SNTB1: variants seen among roughly 807,000 people sequenced by gnomAD.
The protein encoded by SNTB1 is syntrophin beta 1.
In SNTB1, 36 loss-of-function variants were observed where a neutral mutation model predicts 48.9. That is an observed-to-expected ratio of 0.74 (90% CI 0.56 to 0.97). The LOEUF (loss-of-function observed/expected upper bound fraction) is 0.97, where lower values mean the gene tolerates loss of function less well. Among genes scored for constraint, SNTB1 ranks in the 50% least tolerant of loss-of-function variants. The probability of loss-of-function intolerance (pLI) is 0.00; values close to 1 mark genes in which losing one functional copy is unlikely to be tolerated. For synonymous variants in SNTB1, 299 were observed against 294.6 expected (o/e 1.01, Z -0.15); for missense variants, 786 against 703.4 (o/e 1.12, Z -1.33).
chr8:120,666,530 A>G (rs1817675468), intron 2 of SNTB1, among the ~76,000 whole-genome samples: 1 of 152,092 alleles, frequency 6.6e-6, no homozygotes, highest in South Asian at 2.1e-4. Context: ...TTTCTTTTTA[A>G]TACTGGTGTT....
At chr8:120,724,759 C>T (rs1338624949) in intron 1 of SNTB1, among the ~76,000 whole-genome samples, 2 of 152,006 alleles carry the variant, frequency 1.3e-5, no homozygotes, top group Non-Finnish European at 2.9e-5. Context: ...AGAATTGCAC[C>T]GTTGAACTAG....
At chr8:120,602,411 A>C (rs1255065702) in intron 3 of SNTB1, among the ~76,000 whole-genome samples, 1 of 152,222 alleles carries the variant, frequency 6.6e-6, no homozygotes, top group Non-Finnish European at 1.5e-5. Context: ...CTTTGAGTAA[A>C]GCAGATGACC....
At chr8:120,603,573 T>C (rs942986552) in intron 3 of SNTB1, among the ~76,000 whole-genome samples, 2 of 152,188 alleles carry the variant, frequency 1.3e-5, no homozygotes, top group African/African-American at 4.8e-5. Flanking sequence ...TCAAACCTAC[T>C]GAATCAGAAA....
intron 2 of SNTB1, among the ~76,000 whole-genome samples, 173 bp from the exon 3 acceptor site, chr8:120,632,824 G>T (rs147034652): frequency 6.6e-6 from 1 of 152,138 alleles, no homozygotes; most frequent in Non-Finnish European, 1.5e-5. Flanking sequence ...ATTCATCCAC[G>T]CATATTTACT....
chr8:120,553,545 A>G (rs922795570), intron 4 of SNTB1, among the ~76,000 whole-genome samples: 3 of 152,354 alleles, frequency 2.0e-5, no homozygotes, highest in Admixed American at 1.3e-4. Context: ...CCTTGAAATT[A>G]TAAGTACTAT....
chr8:120,620,335 T>C (rs1267407993), intron 3 of SNTB1, among the ~76,000 whole-genome samples: 2 of 152,214 alleles, frequency 1.3e-5, no homozygotes, highest in Non-Finnish European at 2.9e-5. Flanking sequence ...TAGGTATTAA[T>C]ATCTTTTTTT....
intron 1 of SNTB1, among the ~76,000 whole-genome samples, chr8:120,756,473 T>C (rs73323167): frequency 0.039 from 5,999 of 152,114 alleles, 377 homozygotes; most frequent in African/African-American, 0.13. Context: ...AGAGTGGGCT[T>C]TGGGAGGGGG....
chr8:120,540,994 G>C (rs975947121), intron 6 of SNTB1, among the ~76,000 whole-genome samples: 5 of 152,186 alleles, frequency 3.3e-5, no homozygotes, highest in African/African-American at 1.2e-4. Flanking sequence ...ACAGAGATTA[G>C]TCATTACGAA....
intron 1 of SNTB1, among the ~76,000 whole-genome samples, chr8:120,773,405 G>A (rs1819675053): frequency 6.6e-6 from 1 of 152,188 alleles, no homozygotes; most frequent in Non-Finnish European, 1.5e-5. Flanking sequence ...GCATGGATGT[G>A]AGCATGGAGC....
intron 1 of SNTB1, among the ~76,000 whole-genome samples, chr8:120,781,593 T>C (rs981289353): frequency 3.9e-5 from 6 of 152,186 alleles, no homozygotes; most frequent in African/African-American, 1.4e-4. Context: ...CCCAAGGCCA[T>C]GGAGCATAGA....
intron 2 of SNTB1, among the ~76,000 whole-genome samples, chr8:120,675,244 G>A (rs1817815227): frequency 1.3e-5 from 2 of 152,130 alleles, no homozygotes; most frequent in African/African-American, 2.4e-5. Context: ...AAGTGAGGAA[G>A]AGAAAGAAAA....
Position 120,541,916 on chromosome 8 carries a change from G to A in SNTB1, c.1418C>T (p.Ala473Val), listed in dbSNP as rs771346145. Residue 473 changes from alanine to valine, a missense_variant, in exon 6 of 7, where the codon GCC becomes GTC. By Grantham distance (64) the Ala-to-Val change is moderately conservative. Transcript: ENST00000517992. Reference sequence around the variant, plus strand: ...AGACTGTATGATGGTCTTGGGAAAGGCACCCTCCTGTGGTTCAGTGGTAAT... The same window carrying A: ...AGACTGTATGATGGTCTTGGGAAAGACACCCTCCTGTGGTTCAGTGGTAAT... ...FSITTEPQEG[A>V]FPKTIIQSPY... 10 of 1,613,638 alleles carry A rather than the reference G, an allele frequency of 6.2e-6. No homozygotes were observed. The highest frequency in any genetic ancestry group is 7.6e-6 in the Non-Finnish European group (9 of 1,179,776).
Position 120,811,373 on chromosome 8 carries a change from G to A in SNTB1, c.471C>T (p.Gly157=), listed in dbSNP as rs1296769589. The change falls in exon 1 of 7, where the codon GGC becomes GGT. Residue 157 remains glycine (G), a synonymous_variant. Transcript: ENST00000517992. ...CTCCGTTCACGGACAGGATGGCGTC[G>A]CCCACGTACAGGGCTTGGGTCTGGT... The part of the protein sequence containing the change: ...AADQTQALYV[G]DAILSVNGAD... The A allele has an allele frequency of 5.0e-6, 8 of 1,613,640 alleles. No individual in the cohort carries two copies. The East Asian group carries it at 1.8e-4, about 36-fold the overall frequency.
At chr8:120,544,297 A>C (rs1815341194) in intron 5 of SNTB1, among the ~76,000 whole-genome samples, 1 of 152,208 alleles carries the variant, frequency 6.6e-6, no homozygotes, top group Non-Finnish European at 1.5e-5. Flanking sequence ...GTTGACCTCA[A>C]ATAGTATTTG....
intron 2 of SNTB1, among the ~76,000 whole-genome samples, chr8:120,656,166 T>C (rs1326498980): frequency 6.6e-6 from 1 of 152,206 alleles, no homozygotes; most frequent in Non-Finnish European, 1.5e-5. Flanking sequence ...GGAAGCAGGT[T>C]GCCATGATGG....
At chr8:120,642,464 G>GA (rs751140571) in intron 2 of SNTB1, among the ~76,000 whole-genome samples, 5 of 152,164 alleles carry the variant, frequency 3.3e-5, no homozygotes, top group South Asian at 2.1e-4. Flanking sequence ...TATACAGATT[G>GA]AAGACCACCA....
chr8:120,627,928 A>G (rs560657344), intron 3 of SNTB1, among the ~76,000 whole-genome samples: 8 of 152,354 alleles, frequency 5.3e-5, no homozygotes, highest in African/African-American at 1.9e-4. Flanking sequence ...CTCAAATACT[A>G]CAAGTTTACC....
At chr8:120,767,316 T>TG (rs1325363760) in intron 1 of SNTB1, among the ~76,000 whole-genome samples, 1 of 152,224 alleles carries the variant, frequency 6.6e-6, no homozygotes. Flanking sequence ...GATGATTCTC[T>TG]GGGGACCCCT....
intron 1 of SNTB1, among the ~76,000 whole-genome samples, chr8:120,766,313 C>G (rs1218441436): frequency 6.6e-6 from 1 of 152,116 alleles, no homozygotes; most frequent in Non-Finnish European, 1.5e-5. Context: ...TACTAAATAT[C>G]AGAGCCATGA....
Sources: gnomAD v4.1 joint callset for allele counts (sites outside exome capture counted in the v4.1 genomes callset) on GRCh38, gnomAD v4.1.1 for gene constraint, MANE v1.5 for transcripts, NCBI Gene and HGNC (gene_info 2026-07-23, HGNC 2026-07-21) for gene names.